Variants in DPP4 observed in about 807,000 individuals in gnomAD.
DPP4 encodes ADCP-2.
A neutral mutation model predicts 122.4 loss-of-function variants in DPP4; 93 were observed. The observed-to-expected ratio is 0.76, with a 90% confidence interval of 0.64 to 0.90. The LOEUF is 0.90. DPP4 is among the 40% of genes least tolerant of loss of function. The pLI is 0.00. For synonymous variants in DPP4, 321 were observed against 302.9 expected (o/e 1.06, Z -0.62); for missense variants, 914 against 907.3 (o/e 1.01, Z -0.09).
intron 25 of DPP4, among the ~76,000 whole-genome samples, chr2:161,994,576 C>T (rs2106066627): frequency 6.6e-6 from 1 of 152,220 alleles, no homozygotes; most frequent in South Asian, 2.1e-4. Flanking sequence ...TAATACATAC[C>T]AGACAGAAAT....
In DPP4 at chr2:162,044,471, T is replaced by A. The variant is rs535392733; in HGVS notation, c.366+1061A>T. Among the ~76,000 whole-genome samples, 75 of 151,708 alleles carry A rather than the reference T, an allele frequency of 4.9e-4. 2 individuals carry two copies. The highest frequency in any genetic ancestry group is 1.8e-3 in the African/African-American group (73 of 41,370). ...GAGCGTTGGTGTGTGAGTGTTGGTG[T>A]GTGAGCGTTGGTGTGTGAGTGTTGG... is the stretch of plus-strand genomic sequence containing the variant. On this transcript the variant is annotated intron_variant, in intron 5 of 25. Coordinates refer to ENST00000360534, the MANE Select transcript of DPP4 (RefSeq NM_001935.4).
rs775091078 is a variant in DPP4 at position 162,038,278 on chromosome 2, T to C, written c.613+24A>G. On this transcript the variant is annotated intron_variant, in intron 8 of 25. Coordinates refer to ENST00000360534, the MANE Select transcript of DPP4 (RefSeq NM_001935.4). ...TTTAAAAGCTTATAGATTTTCTGAT[T>C]TGAAAAAGCTTTAAAGTTTCTACCT... 9.9e-6 allele frequency: 15 copies of C among 1,518,130 alleles called. No individual in the cohort carries two copies. In the East Asian group the frequency reaches 3.7e-4, roughly 37 times the overall value. The allele number at this position is 1,518,130 out of a possible 1,614,324, so 94.0% of individuals were successfully genotyped here.
At chr2:162,032,538 AGC>A (rs1390169261) in intron 10 of DPP4, among the ~76,000 whole-genome samples, 26 of 152,124 alleles carry the variant, frequency 1.7e-4, no homozygotes, top group Admixed American at 1.7e-3. Flanking sequence ...TACAAAAATT[AGC>A]CAGGCATGCA....
At chr2:162,019,302 A>G (rs535567751) in intron 14 of DPP4, 26 bp from the exon 15 acceptor site, 1 of 1,411,402 alleles carries the variant, frequency 7.1e-7, no homozygotes, top group African/African-American at 1.5e-5. Flanking sequence ...AATGAAATAT[A>G]TATTAATTAT....
At chr2:161,998,989 A>C (rs564667844) in intron 23 of DPP4, among the ~76,000 whole-genome samples, 4 of 152,342 alleles carry the variant, frequency 2.6e-5, no homozygotes, top group Admixed American at 2.0e-4. Context: ...GCCATTTCAA[A>C]TGCGCACTTC....
rs201575795 is a variant in DPP4, at chr2:162,047,444, T to C, written c.152A>G (p.Asn51Ser). The change falls in exon 3 of 26, where the codon AAT (asparagine) becomes AGT (serine). Residue 51 changes from asparagine to serine, a missense_variant. Asn to Ser is a conservative substitution (Grantham distance 46, BLOSUM62 1). Coordinates refer to ENST00000360534, the MANE Select transcript of DPP4 (RefSeq NM_001935.4). The part of the protein sequence containing the change: ...KTYTLTDYLK[N>S]TYRLKLYSLR... ...GGAGTATAACTTCAGTCTATAAGTATTTTTTAAGTAATCAGTTAGAGTGTA... is the reference window on the plus strand; with the variant it reads ...GGAGTATAACTTCAGTCTATAAGTACTTTTTAAGTAATCAGTTAGAGTGTA... The C allele has an allele frequency of 1.2e-5, 19 of 1,590,024 alleles. No homozygotes were observed. The African/African-American group carries it at 2.4e-4, about 20-fold the overall frequency.
rs1004339103 is a variant in DPP4, at chr2:162,045,670, T to C, written c.286-58A>G. ...CAATTCCATTTCATTGCCATCACTG[T>C]GCACTTACTTCATAGGGGGTACTGT... On this transcript the variant is annotated intron_variant, in intron 4 of 25. Transcript: ENST00000360534. 1.8e-5 allele frequency: 23 copies of C among 1,250,906 alleles called. No homozygotes were observed. The Admixed American group carries it at 2.9e-4, about 16-fold the overall frequency. The allele number at this position is 1,250,906 out of a possible 1,614,324, so 77.5% of individuals were successfully genotyped here. A position where few individuals can be genotyped will look rare whatever the true frequency, so the allele number is the denominator to read the frequency against.
chr2:162,044,692 T>C (rs1178599214), intron 5 of DPP4, among the ~76,000 whole-genome samples: 1 of 152,198 alleles, frequency 6.6e-6, no homozygotes, highest in Non-Finnish European at 1.5e-5. Flanking sequence ...TAGTTAAAGT[T>C]ATGGCCACCC....
intron 2 of DPP4, among the ~76,000 whole-genome samples, chr2:162,056,311 G>A (rs1437269550): frequency 6.6e-6 from 1 of 152,128 alleles, no homozygotes; most frequent in African/African-American, 2.4e-5. Context: ...CTACAGCCTA[G>A]AACAGTGCCT....
At chr2:162,070,712 G>A (rs1685086506) in intron 2 of DPP4, among the ~76,000 whole-genome samples, 1 of 152,072 alleles carries the variant, frequency 6.6e-6, no homozygotes, top group Non-Finnish European at 1.5e-5. Flanking sequence ...CTTTATTATG[G>A]CACAGCCCAG....
At chr2:162,073,820 G>C (rs2106166540) in intron 1 of DPP4, among the ~76,000 whole-genome samples, 156 bp downstream of exon 1, 1 of 152,328 alleles carries the variant, frequency 6.6e-6, no homozygotes, top group South Asian at 2.1e-4. Context: ...CTAAGCGAGA[G>C]CTCTGGGACG....
chr2:162,050,684 T>C (rs189036956), intron 2 of DPP4, among the ~76,000 whole-genome samples: 1 of 152,364 alleles, frequency 6.6e-6, no homozygotes, highest in East Asian at 1.9e-4. Flanking sequence ...TTCCTTGTTT[T>C]TAGCCTTGCC....
intron 10 of DPP4, among the ~76,000 whole-genome samples, chr2:162,031,838 T>C (rs1683559603): frequency 6.6e-6 from 1 of 151,890 alleles, no homozygotes; most frequent in African/African-American, 2.4e-5. Flanking sequence ...CATTTGGGAG[T>C]AGAAACAGAG....
chr2:162,028,504 C>G (rs1300946230), intron 10 of DPP4, among the ~76,000 whole-genome samples: 3 of 152,144 alleles, frequency 2.0e-5, no homozygotes, highest in Non-Finnish European at 4.4e-5. Flanking sequence ...CAAAAACAGG[C>G]CAATACTGAG....
At chr2:162,000,106 T>A (rs1701108487) in intron 23 of DPP4, among the ~76,000 whole-genome samples, 1 of 152,052 alleles carries the variant, frequency 6.6e-6, no homozygotes, top group Non-Finnish European at 1.5e-5. Flanking sequence ...TAAGATCTTA[T>A]AGAAAGAGCA....
chr2:162,055,463 G>A (rs1033722941), intron 2 of DPP4, among the ~76,000 whole-genome samples: 5 of 152,062 alleles, frequency 3.3e-5, no homozygotes, highest in Non-Finnish European at 7.4e-5. Context: ...TTGGGAGGCC[G>A]AGATGGGTGG....
chr2:162,010,370 C>A (rs891478572), intron 20 of DPP4, among the ~76,000 whole-genome samples: 3 of 152,126 alleles, frequency 2.0e-5, no homozygotes, highest in Admixed American at 6.5e-5. Flanking sequence ...TTTCACTGAA[C>A]TTTTGCCTTG....
intron 2 of DPP4, among the ~76,000 whole-genome samples, chr2:162,058,978 T>A (rs1236586406): frequency 2.0e-5 from 3 of 152,174 alleles, no homozygotes; most frequent in African/African-American, 7.2e-5. Flanking sequence ...TGAAACAATA[T>A]CAGCATACGA....
At chr2:162,057,610 A>G (rs1684620487) in intron 2 of DPP4, among the ~76,000 whole-genome samples, 1 of 152,182 alleles carries the variant, frequency 6.6e-6, no homozygotes, top group Non-Finnish European at 1.5e-5. Flanking sequence ...TCACGGAGGT[A>G]CCAGTAGCAG....
Sources: allele counts gnomAD v4.1 joint callset (sites outside exome capture counted in the v4.1 genomes callset), GRCh38; gene constraint gnomAD v4.1.1; transcripts MANE v1.5; gene names NCBI Gene and HGNC (gene_info 2026-07-23, HGNC 2026-07-21).